The following PDSS2 variants were observed in gnomAD, a reference collection of about 807,000 sequenced individuals.
PDSS2 encodes decaprenyl diphosphate synthase subunit 2, also known as all trans-polyprenyl-diphosphate synthase PDSS2.
Under a neutral mutation model 44.5 loss-of-function variants are expected in PDSS2, and 31 were observed. The ratio of observed to expected loss-of-function variants is 0.70; its 90% CI spans 0.52 to 0.94. The LOEUF (loss-of-function observed/expected upper bound fraction) is 0.94, where lower values mean the gene tolerates loss of function less well. PDSS2 is among the 40% of genes least tolerant of loss of function. PDSS2 has a pLI of 0.00. For synonymous variants in PDSS2, 157 were observed against 180.3 expected, an observed-to-expected ratio of 0.87 and a Z score of 1.03; for missense variants, 452 against 482.2, an observed-to-expected ratio of 0.94 and a Z score of 0.59.
At chr6:107,282,570 T>A (rs543603612) in intron 2 of PDSS2, among the ~76,000 whole-genome samples, 103 of 151,804 alleles carry the variant, frequency 6.8e-4, no homozygotes, top group South Asian at 1.3e-3. Flanking sequence ...TTTTTTTTTT[T>A]AATTATTTTT....
intron 4 of PDSS2, among the ~76,000 whole-genome samples, chr6:107,224,719 G>A (rs1773728289): frequency 6.6e-6 from 1 of 151,274 alleles, no homozygotes; most frequent in Non-Finnish European, 1.5e-5. Context: ...GATAAAAAAT[G>A]GTTACACTAT....
chr6:107,406,737 GA>G (rs1780332112), intron 1 of PDSS2, among the ~76,000 whole-genome samples: 1 of 152,204 alleles, frequency 6.6e-6, no homozygotes. Flanking sequence ...GCTATATCAA[GA>G]AGGTCAAATT....
intron 7 of PDSS2, among the ~76,000 whole-genome samples, chr6:107,188,338 C>A (rs1181466333): frequency 1.3e-5 from 2 of 151,250 alleles, no homozygotes; most frequent in African/African-American, 4.9e-5. Flanking sequence ...AAGGTTGTGC[C>A]ACTGCACTCC....
At chr6:107,335,757 T>C (rs1777866108) in intron 1 of PDSS2, among the ~76,000 whole-genome samples, 1 of 152,142 alleles carries the variant, frequency 6.6e-6, no homozygotes, top group South Asian at 2.1e-4. Flanking sequence ...AGTAAAGTCA[T>C]ATTGAGAACA....
chr6:107,353,502 A>C (rs1778496298), intron 1 of PDSS2, among the ~76,000 whole-genome samples: 1 of 152,142 alleles, frequency 6.6e-6, no homozygotes, highest in Admixed American at 6.5e-5. Flanking sequence ...GACAGCAATA[A>C]CTAAGCATGG....
chr6:107,164,484 C>G (rs9320204), intron 7 of PDSS2, among the ~76,000 whole-genome samples: 1 of 151,924 alleles, frequency 6.6e-6, no homozygotes, highest in African/African-American at 2.4e-5. Flanking sequence ...TGTCCCTACA[C>G]AGGACATGAA....
intron 4 of PDSS2, among the ~76,000 whole-genome samples, chr6:107,217,364 G>C (rs930716288): frequency 2.0e-5 from 3 of 152,076 alleles, no homozygotes; most frequent in African/African-American, 4.8e-5. Context: ...CCTTATAAGA[G>C]GGAGGCACAG....
At chr6:107,383,293 C>A in intron 1 of PDSS2, among the ~76,000 whole-genome samples, 2 of 82,046 alleles carry the variant, frequency 2.4e-5, no homozygotes, top group Admixed American at 1.7e-4. Flanking sequence ...AGTGAGACTC[C>A]ATCTCAAAAA....
At chr6:107,196,658 AC>A (rs1772571782) in intron 6 of PDSS2, among the ~76,000 whole-genome samples, 3 of 152,208 alleles carry the variant, frequency 2.0e-5, no homozygotes, top group Non-Finnish European at 4.4e-5. Flanking sequence ...ATCTTCAGAA[AC>A]TCACCAAGTG....
intron 2 of PDSS2, among the ~76,000 whole-genome samples, chr6:107,286,435 G>A (rs1051145395): frequency 1.3e-5 from 2 of 151,774 alleles, no homozygotes. Context: ...GCTTGAACCT[G>A]AGAGGCAGAG....
At chr6:107,443,492 A>G (rs1445514361) in intron 1 of PDSS2, among the ~76,000 whole-genome samples, 5 of 152,200 alleles carry the variant, frequency 3.3e-5, no homozygotes, top group African/African-American at 4.8e-5. Flanking sequence ...CTCTATATCC[A>G]TTCAATGGAA....
At chr6:107,379,373 T>C (rs547730089) in intron 1 of PDSS2, among the ~76,000 whole-genome samples, 2 of 152,344 alleles carry the variant, frequency 1.3e-5, no homozygotes, top group South Asian at 2.1e-4. Context: ...AAAGGATGTA[T>C]TTTCTATTAT....
chr6:107,203,327 A>G (rs961993910), intron 6 of PDSS2, among the ~76,000 whole-genome samples: 3 of 152,100 alleles, frequency 2.0e-5, no homozygotes, highest in Non-Finnish European at 4.4e-5. Flanking sequence ...GCCTCTCCCT[A>G]TCAGATCAGT....
intron 1 of PDSS2, among the ~76,000 whole-genome samples, chr6:107,436,735 A>G (rs1781360148): frequency 6.6e-6 from 1 of 152,214 alleles, no homozygotes; most frequent in Admixed American, 6.5e-5. Flanking sequence ...GAACGTTCCC[A>G]ACACAAAGAA....
chr6:107,459,315 G>C lies in PDSS2; in HGVS notation c.-30C>G, dbSNP rs377429535. 23 of 1,604,634 alleles carry C rather than the reference G, an allele frequency of 1.4e-5. No homozygotes were observed. In the African/African-American group the frequency reaches 2.3e-4, roughly 16 times the overall value. On this transcript the variant is annotated 5_prime_UTR_variant, in exon 1 of 8. Transcript: ENST00000369037. This position sits in a 1 kb window ranked among gnomAD's most constrained non-coding sequence, Gnocchi z 4.3. ...TGAGTCTGGAAGGGTCTGGGACCTG[G>C]GGGTATCCAGAAGTGCCGCGGGAAA... is the stretch of plus-strand genomic sequence containing the variant.
intron 7 of PDSS2, among the ~76,000 whole-genome samples, chr6:107,158,119 G>C (rs1770974647): frequency 6.6e-6 from 1 of 151,192 alleles, no homozygotes; most frequent in African/African-American, 2.4e-5. Flanking sequence ...GAGGTCCAGA[G>C]AAACTCAGTG....
At chr6:107,203,995 T>G (rs1772882617) in intron 6 of PDSS2, among the ~76,000 whole-genome samples, 1 of 151,478 alleles carries the variant, frequency 6.6e-6, no homozygotes, top group African/African-American at 2.4e-5. Flanking sequence ...CACGCTGGAG[T>G]GCAGTAGCAT....
chr6:107,265,785 C>T (rs995197586), intron 3 of PDSS2, among the ~76,000 whole-genome samples: 3 of 152,056 alleles, frequency 2.0e-5, no homozygotes, highest in Non-Finnish European at 2.9e-5. Flanking sequence ...ACTAAAAATA[C>T]AAAAATTAGC....
In PDSS2 at chr6:107,372,704, G is replaced by A. The variant is rs1011172416; in HGVS notation, c.297-38372C>T. On this transcript the variant is annotated intron_variant, in intron 1 of 7. Transcript: ENST00000369037. ...CCTGACCTTGTGATCTGCCCGCCTC[G>A]GCCTCCCAAAGTGCTGGGATTACAG... 3.9e-5 allele frequency among the ~76,000 whole-genome samples: 6 copies of A among 152,088 alleles called. No homozygotes were observed. In the East Asian group the frequency reaches 9.7e-4, roughly 25 times the overall value.
Sources: allele counts gnomAD v4.1 joint callset (sites outside exome capture counted in the v4.1 genomes callset), GRCh38; gene constraint gnomAD v4.1.1; non-coding constraint Gnocchi (gnomAD v3.1); transcripts MANE v1.5; gene names NCBI Gene and HGNC (gene_info 2026-07-23, HGNC 2026-07-21).